The following PTPRN2 variants were observed in gnomAD, a reference collection of about 807,000 sequenced individuals.
PTPRN2 encodes protein tyrosine phosphatase receptor type N2, also known as receptor-type tyrosine-protein phosphatase N2.
A neutral mutation model predicts 118.8 loss-of-function variants in PTPRN2; 74 were observed. The ratio of observed to expected loss-of-function variants is 0.62; its 90% CI spans 0.52 to 0.76. PTPRN2 has a LOEUF of 0.76. Among genes scored for constraint, PTPRN2 ranks in the 30% least tolerant of loss-of-function variants. PTPRN2 has a pLI of 0.00. For missense variants in PTPRN2, 1,481 were observed against 1,394.4 expected, an observed-to-expected ratio of 1.06 and a Z score of -0.99; for synonymous variants, 641 against 608.0, an observed-to-expected ratio of 1.05 and a Z score of -0.80.
At chr7:157,847,192 G>GCA (rs1808897323) in intron 12 of PTPRN2, among the ~76,000 whole-genome samples, 2 of 132,066 alleles carry the variant, frequency 1.5e-5, no homozygotes, top group Non-Finnish European at 3.2e-5. Context: ...TCCATCACGT[G>GCA]TGCCCGATGT....
intron 11 of PTPRN2, among the ~76,000 whole-genome samples, chr7:157,991,922 C>T (rs757690841): frequency 1.3e-5 from 2 of 151,780 alleles, no homozygotes; most frequent in Non-Finnish European, 2.9e-5. Flanking sequence ...CGGTCACAGC[C>T]CGTGCCCCTC....
intron 4 of PTPRN2, among the ~76,000 whole-genome samples, chr7:158,202,947 A>G (rs1051603030): frequency 3.3e-5 from 5 of 152,174 alleles, no homozygotes; most frequent in African/African-American, 1.2e-4. Flanking sequence ...GAAAATTCCA[A>G]TCTCGGCCAG....
intron 11 of PTPRN2, among the ~76,000 whole-genome samples, chr7:157,907,242 G>A (rs1212616463): frequency 2.6e-5 from 4 of 152,314 alleles, no homozygotes; most frequent in African/African-American, 4.8e-5. Flanking sequence ...AGCTCTGTGC[G>A]GCCACTGGCC....
chr7:157,804,195 G>A (rs1278421954), intron 12 of PTPRN2, among the ~76,000 whole-genome samples: 1 of 152,174 alleles, frequency 6.6e-6, no homozygotes, highest in Non-Finnish European at 1.5e-5. Flanking sequence ...TTTACCCAAT[G>A]CCCCCGCGAA....
At chr7:157,652,742 C>T (rs2150729292) in intron 14 of PTPRN2, among the ~76,000 whole-genome samples, 1 of 152,356 alleles carries the variant, frequency 6.6e-6, no homozygotes, top group African/African-American at 2.4e-5. Context: ...CATGGATCCC[C>T]CCATCGGGGC....
chr7:157,642,382 T>G (rs1804725132), intron 14 of PTPRN2, among the ~76,000 whole-genome samples: 2 of 152,236 alleles, frequency 1.3e-5, no homozygotes, highest in Non-Finnish European at 2.9e-5. Context: ...GTTTACACAT[T>G]TACACAAAGA....
intron 2 of PTPRN2, among the ~76,000 whole-genome samples, chr7:158,333,431 G>C (rs1298841113): frequency 5.4e-5 from 8 of 147,162 alleles, no homozygotes; most frequent in African/African-American, 2.7e-5. Flanking sequence ...GTCACCATAA[G>C]AGGTGACACC....
At chr7:157,984,170 G>A (rs887435585) in intron 11 of PTPRN2, among the ~76,000 whole-genome samples, 3 of 152,020 alleles carry the variant, frequency 2.0e-5, no homozygotes, top group East Asian at 1.9e-4. Context: ...AGTTGTCCAG[G>A]TAACAATGAC....
rs189296250 is a variant in PTPRN2, at chr7:157,638,791, C to T, written c.2197-17282G>A. ...CTGTCCCTCCCTGCAGCTGCCTTGT[C>T]GTCACTCAGCCACGTGGACCACCTG... On this transcript the variant is annotated intron_variant, in intron 14 of 22. Transcript: ENST00000389418. Among the ~76,000 whole-genome samples the T allele has an allele frequency of 3.0e-3, 458 of 152,252 alleles. 4 individuals are homozygous for T. Among genetic ancestry groups the T allele is most frequent in the African/African-American group, 0.01 (432 of 41,548 alleles).
intron 1 of PTPRN2, among the ~76,000 whole-genome samples, chr7:158,564,654 C>A (rs893615690): frequency 6.6e-6 from 1 of 152,216 alleles, no homozygotes; most frequent in Non-Finnish European, 1.5e-5. Context: ...CTTGACTCCT[C>A]ACCTTCCACT....
chr7:157,864,471 C>T (rs1584903387), intron 12 of PTPRN2: 1 of 152,298 alleles, frequency 6.6e-6, no homozygotes. Context: ...AGGAGGAAGT[C>T]CTGTTGGGGC....
intron 9 of PTPRN2, among the ~76,000 whole-genome samples, chr7:158,132,568 AAC>A (rs113026073): frequency 6.7e-6 from 1 of 149,920 alleles, no homozygotes; most frequent in East Asian, 2.0e-4. Flanking sequence ...ACATCTATCC[AAC>A]ACTCATATAG....
intron 14 of PTPRN2, among the ~76,000 whole-genome samples, chr7:157,638,805 G>A (rs1804490465): frequency 6.6e-6 from 1 of 152,144 alleles, no homozygotes; most frequent in Non-Finnish European, 1.5e-5. Context: ...ACTCAGCCAC[G>A]TGGACCACCT....
chr7:158,009,227 C>T (rs1298995893), intron 11 of PTPRN2, among the ~76,000 whole-genome samples: 2 of 152,112 alleles, frequency 1.3e-5, no homozygotes, highest in African/African-American at 4.8e-5. Flanking sequence ...GACTTGAAAA[C>T]GCTCTGATCA....
intron 12 of PTPRN2, among the ~76,000 whole-genome samples, chr7:157,782,316 G>A (rs148002768): frequency 1.8e-4 from 28 of 152,368 alleles, no homozygotes; most frequent in Non-Finnish European, 3.2e-4. Context: ...TCAGGCATCC[G>A]AGAATTAATG....
intron 11 of PTPRN2, among the ~76,000 whole-genome samples, chr7:158,026,980 G>A (rs991716174): frequency 2.6e-5 from 4 of 152,182 alleles, no homozygotes; most frequent in Admixed American, 6.5e-5. Context: ...CCCCACCATC[G>A]TGACACTCGA....
intron 8 of PTPRN2, 56 bp from the exon 9 acceptor site, chr7:158,134,115 C>A: frequency 6.4e-7 from 1 of 1,560,692 alleles, no homozygotes; most frequent in South Asian, 1.2e-5. Flanking sequence ...TGATGTGACA[C>A]ATGCAATCAA....
intron 5 of PTPRN2, among the ~76,000 whole-genome samples, chr7:158,171,480 C>A (rs1823700117): frequency 6.6e-6 from 1 of 151,552 alleles, no homozygotes; most frequent in African/African-American, 2.4e-5. Flanking sequence ...TCCTGAGCAG[C>A]TGGGATTACA....
intron 17 of PTPRN2, among the ~76,000 whole-genome samples, chr7:157,579,640 C>T (rs941741697): frequency 5.9e-5 from 9 of 152,258 alleles, no homozygotes; most frequent in African/African-American, 1.7e-4. Context: ...GCCTGGAAGC[C>T]GCACTCATTG....
Sources: allele counts gnomAD v4.1 joint callset (sites outside exome capture counted in the v4.1 genomes callset), GRCh38; gene constraint gnomAD v4.1.1; transcripts MANE v1.5; gene names NCBI Gene and HGNC (gene_info 2026-07-23, HGNC 2026-07-21).